The following GPM6B variants were observed in gnomAD, a reference collection of about 807,000 sequenced individuals.
GPM6B encodes the protein glycoprotein M6B.
A neutral mutation model predicts 27.2 loss-of-function variants in GPM6B; 4 were observed. The observed-to-expected ratio is 0.15, with a 90% confidence interval of 0.07 to 0.34. The LOEUF (loss-of-function observed/expected upper bound fraction) is 0.34, where lower values mean the gene tolerates loss of function less well. GPM6B is among the 10% of genes least tolerant of loss of function. The probability of loss-of-function intolerance (pLI) is 1.00; values close to 1 mark genes in which losing one functional copy is unlikely to be tolerated. For missense variants in GPM6B, 183 were observed against 261.9 expected (o/e 0.70, Z 2.08); for synonymous variants, 124 against 103.1 (o/e 1.20, Z -1.23).
chrX:13,891,429 AAACAACAAC>A lies in GPM6B; in HGVS notation c.-198+46889_-198+46897del, dbSNP rs764314306. On this transcript the variant is annotated intron_variant, in intron 1 of 6. Coordinates refer to the GPM6B transcript ENST00000398361. ...GTCAGATAGAAACCAAAAAAAAACC[AAACAACAAC>A]AACAACAACAACAAACCCTGCAAAT... Among the ~76,000 whole-genome samples the A allele has an allele frequency of 2.7e-5, 3 of 111,712 alleles. No individual in the cohort carries two copies. In the Admixed American group the frequency reaches 2.8e-4, roughly 11 times the overall value.
intron 1 of GPM6B, among the ~76,000 whole-genome samples, chrX:13,915,836 T>C (rs771949234): frequency 4.1e-4 from 46 of 112,490 alleles, no homozygotes; most frequent in Middle Eastern, 4.6e-3. Flanking sequence ...GTATTACGTA[T>C]ATGTGTGTGT....
chrX:13,866,353 A>G (rs2049919026), intron 1 of GPM6B, among the ~76,000 whole-genome samples: 2 of 112,206 alleles, frequency 1.8e-5, no homozygotes, highest in Non-Finnish European at 3.8e-5. Context: ...ACAAGAGTGA[A>G]ACTCCGTCTC....
chrX:13,850,648 T>C (rs1483375703), intron 1 of GPM6B, among the ~76,000 whole-genome samples: 1 of 111,942 alleles, frequency 8.9e-6, no homozygotes, highest in Non-Finnish European at 1.9e-5. Flanking sequence ...CATGTGAGTA[T>C]GGGCAATATA....
chrX:13,781,422 A>G (rs950844393), intron 4 of GPM6B, among the ~76,000 whole-genome samples: 2 of 112,134 alleles, frequency 1.8e-5, no homozygotes, highest in Non-Finnish European at 3.8e-5. Flanking sequence ...ATAAAGCTAC[A>G]TACCTCCCTC....
chrX:13,790,926 A>C (rs1466936263), intron 2 of GPM6B, among the ~76,000 whole-genome samples: 1 of 111,904 alleles, frequency 8.9e-6, no homozygotes, highest in Non-Finnish European at 1.9e-5. Context: ...AAGGAAGTAG[A>C]TCTGGGATTC....
At chrX:13,837,897 C>CCT (rs1429926143) in intron 1 of GPM6B, among the ~76,000 whole-genome samples, 1 of 110,537 alleles carries the variant, frequency 9.0e-6, no homozygotes, top group Non-Finnish European at 1.9e-5. Context: ...TAATAAACAT[C>CCT]CTCTCTCTCG....
At chrX:13,888,547 G>A (rs1262236267) in intron 1 of GPM6B, among the ~76,000 whole-genome samples, 1 of 111,543 alleles carries the variant, frequency 9.0e-6, no homozygotes, top group Non-Finnish European at 1.9e-5. Context: ...AGGGCAAACA[G>A]GAAATACATT....
chrX:13,931,445 A>C (rs187164736), intron 1 of GPM6B, among the ~76,000 whole-genome samples: 1 of 109,286 alleles, frequency 9.2e-6, no homozygotes, highest in Non-Finnish European at 1.9e-5. Context: ...CCGAGATCGC[A>C]CCACTGCACT....
intron 1 of GPM6B, among the ~76,000 whole-genome samples, chrX:13,859,864 G>A (rs1355010382): frequency 8.9e-6 from 1 of 111,792 alleles, no homozygotes; most frequent in African/African-American, 3.3e-5. Context: ...CACCCACAGA[G>A]TATTCAATAG....
chrX:13,926,913 AGATT>A (rs1272762019), intron 1 of GPM6B, among the ~76,000 whole-genome samples: 3 of 111,998 alleles, frequency 2.7e-5, no homozygotes, highest in South Asian at 7.4e-4. Context: ...TTAAAGGAAA[AGATT>A]GATAATTAGG....
intron 2 of GPM6B, among the ~76,000 whole-genome samples, chrX:13,807,280 C>T (rs1220052256): frequency 1.8e-5 from 2 of 112,173 alleles, no homozygotes; most frequent in African/African-American, 6.5e-5. Flanking sequence ...TGGCCCAGTT[C>T]TTGGCCACAT....
chrX:13,927,660 T>C (rs1326100561), intron 1 of GPM6B, among the ~76,000 whole-genome samples: 1 of 112,474 alleles, frequency 8.9e-6, no homozygotes, highest in Non-Finnish European at 1.9e-5. Flanking sequence ...AGGAAACTAA[T>C]TGGGAGGAGG....
At chrX:13,834,589 G>A (rs927012158) in intron 1 of GPM6B, among the ~76,000 whole-genome samples, 11 of 112,179 alleles carry the variant, frequency 9.8e-5, no homozygotes, top group East Asian at 8.3e-4. Context: ...ATTGATAGGC[G>A]AGGCCAGAGT....
chrX:13,846,768 C>G, intron 1 of GPM6B, among the ~76,000 whole-genome samples: 1 of 101,151 alleles, frequency 9.9e-6, no homozygotes, highest in Middle Eastern at 4.9e-3. Context: ...GCTGGGATTA[C>G]AGGCGTGAGC....
At chrX:13,837,678 C>G (rs1323767058) in intron 1 of GPM6B, among the ~76,000 whole-genome samples, 1 of 68,040 alleles carries the variant, frequency 1.5e-5, no homozygotes, top group Non-Finnish European at 2.8e-5. Flanking sequence ...ACAATAGAGG[C>G]TTTTAAGCTT....
chrX:13,902,099 G>C (rs748584642), intron 1 of GPM6B, among the ~76,000 whole-genome samples: 2 of 111,604 alleles, frequency 1.8e-5, no homozygotes, highest in Admixed American at 9.5e-5. Context: ...AGGAGTATAA[G>C]TGTGTGGTTT....
chrX:13,807,772 G>A lies in GPM6B; in HGVS notation c.62-3C>T, dbSNP rs1401477983. ...TTCCATTTCAGCTCTGCTGTTCACT[G>A]CCAATTTCAGGTGGCAAAGAGTCAG... On this transcript the variant is annotated splice_region_variant and splice_polypyrimidine_tract_variant and intron_variant, in intron 1 of 7. Transcript: ENST00000316715. The A allele has an allele frequency of 2.5e-6, 3 of 1,192,881 alleles. No homozygotes were observed. Among genetic ancestry groups the A allele is most frequent in the Non-Finnish European group, 3.4e-6 (3 of 883,289 alleles).
rs142152473 is a variant in GPM6B at position 13,810,400 on chromosome X, C to G, written c.62-2631G>C. ...ATTTTTATCCTTTTAAAAAATTTGT[C>G]TCTACATACTCAGCACACAGGTGCC... On this transcript the variant is annotated intron_variant, in intron 1 of 7. Transcript: ENST00000316715. Among the ~76,000 whole-genome samples, 797 of 111,818 alleles carry G rather than the reference C, an allele frequency of 7.1e-3. 1 individual carries two copies. The highest frequency in any genetic ancestry group is 0.025 in the African/African-American group (760 of 30,767).
At chrX:13,784,788 T>C (rs1432635549) in intron 3 of GPM6B, among the ~76,000 whole-genome samples, 3 of 112,030 alleles carry the variant, frequency 2.7e-5, no homozygotes, top group African/African-American at 6.5e-5. Flanking sequence ...CCCTGGACCT[T>C]CCTCTCTTCT....
Sources: allele counts gnomAD v4.1 joint callset (sites outside exome capture counted in the v4.1 genomes callset), GRCh38; gene constraint gnomAD v4.1.1; transcripts MANE v1.5; gene names NCBI Gene and HGNC (gene_info 2026-07-23, HGNC 2026-07-21).